The following IRF2BPL variants were observed in gnomAD, a reference collection of about 807,000 sequenced individuals.
The protein encoded by IRF2BPL is probable E3 ubiquitin-protein ligase IRF2BPL.
Under a neutral mutation model 51.2 loss-of-function variants are expected in IRF2BPL, and 13 were observed. That is an observed-to-expected ratio of 0.25 (90% CI 0.17 to 0.40). The LOEUF is 0.40. Among genes scored for constraint, IRF2BPL ranks in the 10% least tolerant of loss-of-function variants. IRF2BPL has a pLI of 1.00. For missense variants in IRF2BPL, 1,210 were observed against 1,111.8 expected, an observed-to-expected ratio of 1.09 and a Z score of -1.26; for synonymous variants, 768 against 509.2, an observed-to-expected ratio of 1.51 and a Z score of -6.84.
chr14:77,026,042 C>T lies in IRF2BPL; in HGVS notation c.1751G>A (p.Gly584Glu). 1 of 1,565,024 alleles carries T rather than the reference C, an allele frequency of 6.4e-7. No homozygotes were observed. Among genetic ancestry groups the T allele is most frequent in the Non-Finnish European group, 8.6e-7 (1 of 1,157,318 alleles). Residue 584 changes from glycine to glutamate, a missense_variant, in exon 1 of 1, where the codon GGG becomes GAG. Transcript: ENST00000238647. ...SEALKLTMSA[G>E]GFAAPGHAAG... The stretch of plus-strand genomic sequence containing the variant: ...CGCGTGCCCCGGCGCCGCGAAGCCC[C>T]CGGCGGACATGGTGAGCTTCAGCGC...
In IRF2BPL at chr14:77,025,236, C is replaced by G. The variant is rs1885076007; in HGVS notation, c.*166G>C. On this transcript the variant is annotated 3_prime_UTR_variant, in exon 1 of 1. Coordinates refer to ENST00000238647, the MANE Select transcript of IRF2BPL (RefSeq NM_024496.4). ...CTTTGTTTCAAAATATAGAAACATA[C>G]GACGAAAATAATGTCTATACATAAG... 1 of 465,318 alleles carries G rather than the reference C, an allele frequency of 2.1e-6. No individual in the cohort carries two copies. Among genetic ancestry groups the G allele is most frequent in the Non-Finnish European group, 3.8e-6 (1 of 264,852 alleles). The allele number at this position is 465,318 out of a possible 1,614,324, so 28.8% of individuals were successfully genotyped here.
chr14:77,028,706 C>A lies in IRF2BPL; in HGVS notation c.-914G>T. On this transcript the variant is annotated 5_prime_UTR_variant, in exon 1 of 1. Coordinates refer to ENST00000238647, the MANE Select transcript of IRF2BPL (RefSeq NM_024496.4). ...TGCTCCGGCTGCGGCTCGCGCTGTC[C>A]CCGGCTTGGCCGCGCGGGATGCCGC... 2.9e-6 allele frequency: 1 copy of A among 340,886 alleles called. No homozygotes were observed. The highest frequency in any genetic ancestry group is 5.3e-6 in the Non-Finnish European group (1 of 188,708). 21.1% of individuals were successfully genotyped at this position (340,886 alleles called of 1,614,324 possible).
Position 77,026,811 on chromosome 14 carries a change from C to G in IRF2BPL, c.982G>C (p.Gly328Arg). 6.2e-7 allele frequency: 1 copy of G among 1,612,712 alleles called. No homozygotes were observed. Among genetic ancestry groups the G allele is most frequent in the Non-Finnish European group, 8.5e-7 (1 of 1,179,728 alleles). The stretch of plus-strand genomic sequence containing the variant: ...GACACCGAGCCGGGCCTCTTACCAC[C>G]AGCACCCACGCCCACCTCTGCCACC... ...SSVAEVGVGA[G>R]GKRPGSVSST... The change falls in exon 1 of 1, where the codon GGT becomes CGT. Residue 328 changes from glycine (G) to arginine (R), a missense_variant. Gly to Arg is a moderately radical substitution (Grantham distance 125). Coordinates refer to ENST00000238647, the MANE Select transcript of IRF2BPL (RefSeq NM_024496.4).
Position 77,026,055 on chromosome 14 carries a change from T to A in IRF2BPL, c.1738A>T (p.Thr580Ser). ...GCCGCGAAGCCCCCGGCGGACATGG[T>A]GAGCTTCAGCGCCTCGCTCTGGTTC... is the stretch of plus-strand genomic sequence containing the variant. ...MANQSEALKL[T>S]MSAGGFAAPG... The change falls in exon 1 of 1, where the codon ACC becomes TCC. Residue 580 changes from threonine (T) to serine (S), a missense_variant. Thr to Ser is a moderately conservative substitution (Grantham distance 58). Coordinates refer to ENST00000238647, the MANE Select transcript of IRF2BPL (RefSeq NM_024496.4). The A allele has an allele frequency of 1.3e-6, 2 of 1,568,246 alleles. No homozygotes were observed. The highest frequency in any genetic ancestry group is 8.6e-7 in the Non-Finnish European group (1 of 1,159,950).
rs780441372 is a variant in IRF2BPL, at chr14:77,027,301, C to CGCG, written c.491_492insCGC (p.Ala164dup). On this transcript the variant is annotated inframe_insertion, in exon 1 of 1. Coordinates refer to ENST00000238647, the MANE Select transcript of IRF2BPL (RefSeq NM_024496.4). ...ACTCGAAGCGGCTGCGCTGTTCCAC[C>CGCG]GCAGCGGCGGCGGCGGCGGCGGCGG... The CGCG allele has an allele frequency of 1.1e-3, 1,640 of 1,525,384 alleles. 4 individuals are homozygous for CGCG. Among genetic ancestry groups the CGCG allele is most frequent in the South Asian group, 1.7e-3 (143 of 83,936 alleles). 94.5% of individuals were successfully genotyped at this position (1,525,384 alleles called of 1,614,324 possible).
Position 77,025,691 on chromosome 14 carries a change from T to C in IRF2BPL, c.2102A>G (p.Asn701Ser). 1 of 1,562,714 alleles carries C rather than the reference T, an allele frequency of 6.4e-7. No individual in the cohort carries two copies. Among genetic ancestry groups the C allele is most frequent in the Non-Finnish European group, 8.7e-7 (1 of 1,152,664 alleles). ...GTTGGCCATGGGGGAATCCGGAATG[T>C]TTTGGGGGTGCACTTGGTCCATGCC... Reference protein sequence around the residue: ...HPGMDQVHPQNIPDSPMANSG... With the variant: ...HPGMDQVHPQSIPDSPMANSG... The change falls in exon 1 of 1, where the codon AAC (asparagine) becomes AGC (serine). Residue 701 changes from asparagine (N) to serine (S), a missense_variant. Transcript: ENST00000238647.
chr14:77,027,789 A>T lies in IRF2BPL; in HGVS notation c.4T>A (p.Ser2Thr). Reference sequence around the variant, plus strand: ...CGGGACGAGGACACCTGCGCCGCCGACATGATGCCTGCCCTGGGGAAGGTA... The same window carrying T: ...CGGGACGAGGACACCTGCGCCGCCGTCATGATGCCTGCCCTGGGGAAGGTA... M[S>T]AAQVSSSRRQ... The change falls in exon 1 of 1, where the codon TCG becomes ACG. Residue 2 changes from serine to threonine, a missense_variant. Physicochemically the swap from Ser to Thr is moderately conservative, Grantham distance 58. Transcript: ENST00000238647. 1 of 1,572,690 alleles carries T rather than the reference A, an allele frequency of 6.4e-7. No individual in the cohort carries two copies. Among genetic ancestry groups the T allele is most frequent in the Non-Finnish European group, 8.6e-7 (1 of 1,157,596 alleles).
Position 77,026,784 on chromosome 14 carries a change from T to C in IRF2BPL, c.1009A>G (p.Ser337Gly), listed in dbSNP as rs373283211. The C allele has an allele frequency of 1.4e-5, 23 of 1,612,478 alleles. No individual in the cohort carries two copies. Among genetic ancestry groups the C allele is most frequent in the Non-Finnish European group, 1.9e-5 (22 of 1,179,782 alleles). Residue 337 changes from serine (S) to glycine (G), a missense_variant, in exon 1 of 1, where the codon AGC becomes GGC. Ser to Gly is a moderately conservative substitution (Grantham distance 56, BLOSUM62 0). Coordinates refer to ENST00000238647, the MANE Select transcript of IRF2BPL (RefSeq NM_024496.4). ...TTCAACTCGCGCTCCTGGTCTGTGCTCGACACCGAGCCGGGCCTCTTACCA... is the reference window on the plus strand; with the variant it reads ...TTCAACTCGCGCTCCTGGTCTGTGCCCGACACCGAGCCGGGCCTCTTACCA... ...AGGKRPGSVS[S>G]TDQERELKEK...
In IRF2BPL at chr14:77,025,686, G is replaced by A. The variant is rs369742014; in HGVS notation, c.2107C>T (p.Pro703Ser). 3 of 1,561,370 alleles carry A rather than the reference G, an allele frequency of 1.9e-6. No individual in the cohort carries two copies. Among genetic ancestry groups the A allele is most frequent in the South Asian group, 1.2e-5 (1 of 82,468 alleles). ...GMDQVHPQNI[P>S]DSPMANSGPL... ...CCGCTGTTGGCCATGGGGGAATCCG[G>A]AATGTTTTGGGGGTGCACTTGGTCC... The change falls in exon 1 of 1, where the codon CCG becomes TCG. Residue 703 changes from proline (P) to serine (S), a missense_variant. Coordinates refer to ENST00000238647, the MANE Select transcript of IRF2BPL (RefSeq NM_024496.4).
At position 77,026,987 on chromosome 14, in the gene IRF2BPL, G is replaced by A. The variant is rs1468201607; in HGVS notation, c.806C>T (p.Ala269Val). Reference protein sequence around the residue: ...QTLLNGPASAAVLPPPPPHAL... With the variant: ...QTLLNGPASAVVLPPPPPHAL... ...GTGGGGAGGGGGTGGGGGGAGTACCGCAGCGCTGGCCGGGCCGTTAAGCAG... is the reference window on the plus strand; with the variant it reads ...GTGGGGAGGGGGTGGGGGGAGTACCACAGCGCTGGCCGGGCCGTTAAGCAG... The change falls in exon 1 of 1, where the codon GCG (alanine) becomes GTG (valine). Residue 269 changes from alanine to valine, a missense_variant. Transcript: ENST00000238647. 7 of 1,490,580 alleles carry A rather than the reference G, an allele frequency of 4.7e-6. No individual in the cohort carries two copies. The highest frequency in any genetic ancestry group is 1.8e-6 in the Non-Finnish European group (2 of 1,120,746). The allele number at this position is 1,490,580 out of a possible 1,614,324, so 92.3% of individuals were successfully genotyped here. A position where few individuals can be genotyped will look rare whatever the true frequency, so the allele number is the denominator to read the frequency against.
rs12880845 is a variant in IRF2BPL at position 77,024,910 on chromosome 14, T to C, written c.*492A>G. 1 of 120,756 alleles carries C rather than the reference T, an allele frequency of 8.3e-6. No individual in the cohort carries two copies. Among genetic ancestry groups the C allele is most frequent in the East Asian group, 2.7e-4 (1 of 3,660 alleles). The allele number at this position is 120,756 out of a possible 1,614,324, so 7.5% of individuals were successfully genotyped here. On this transcript the variant is annotated 3_prime_UTR_variant, in exon 1 of 1. Coordinates refer to ENST00000238647, the MANE Select transcript of IRF2BPL (RefSeq NM_024496.4). The stretch of plus-strand genomic sequence containing the variant: ...TTAGAAGGAAGCTTTCACCATTTTA[T>C]AGCATTTTTTTTTTTTTTTTTTTTT...
At position 77,028,052 on chromosome 14, in the gene IRF2BPL, G is replaced by A; in HGVS notation, c.-260C>T. 1 of 391,496 alleles carries A rather than the reference G, an allele frequency of 2.6e-6. No individual in the cohort carries two copies. The highest frequency in any genetic ancestry group is 4.7e-6 in the Non-Finnish European group (1 of 214,480). The allele number at this position is 391,496 out of a possible 1,614,324, so 24.3% of individuals were successfully genotyped here. Reference sequence around the variant, plus strand: ...CACCTCCTACTGCGGTTGACTCGTCGCGAGGGGAGCTCAGGCGCCTTCTTC... The same window carrying A: ...CACCTCCTACTGCGGTTGACTCGTCACGAGGGGAGCTCAGGCGCCTTCTTC... On this transcript the variant is annotated 5_prime_UTR_variant, in exon 1 of 1. Transcript: ENST00000238647.
chr14:77,027,240 GGCT>G lies in IRF2BPL; in HGVS notation c.550_552del (p.Ser184del), dbSNP rs1356971218. On this transcript the variant is annotated inframe_deletion, in exon 1 of 1. Coordinates refer to ENST00000238647, the MANE Select transcript of IRF2BPL (RefSeq NM_024496.4). ...AGGCCGTTGGGCAGTCGCGCGGTGTGGCTGCTGCTTCCCAGGCTCACCGGCGGT... is the reference window on the plus strand; with the variant it reads ...AGGCCGTTGGGCAGTCGCGCGGTGTGGCTGCTTCCCAGGCTCACCGGCGGT... The G allele has an allele frequency of 1.9e-6, 3 of 1,599,108 alleles. No individual in the cohort carries two copies. Among genetic ancestry groups the G allele is most frequent in the African/African-American group, 2.7e-5 (2 of 73,606 alleles).
Position 77,025,706 on chromosome 14 carries a change from T to G in IRF2BPL, c.2087A>C (p.Gln696Pro). ...PPPSAHPGMD[Q>P]VHPQNIPDSP... is the part of the protein sequence containing the mutation. ...ATCCGGAATGTTTTGGGGGTGCACT[T>G]GGTCCATGCCCGGGTGGGCGCTAGG... Residue 696 changes from glutamine (Q) to proline (P), a missense_variant, in exon 1 of 1, where the codon CAA (glutamine) becomes CCA (proline). Gln to Pro is a moderately conservative substitution (Grantham distance 76). Coordinates refer to ENST00000238647, the MANE Select transcript of IRF2BPL (RefSeq NM_024496.4). 2 of 1,566,090 alleles carry G rather than the reference T, an allele frequency of 1.3e-6. No individual in the cohort carries two copies. The highest frequency in any genetic ancestry group is 1.7e-6 in the Non-Finnish European group (2 of 1,154,370).
In IRF2BPL at chr14:77,026,232, G is replaced by A. The variant is rs764304719; in HGVS notation, c.1561C>T (p.Pro521Ser). Residue 521 changes from proline (P) to serine (S), a missense_variant, in exon 1 of 1, where the codon CCC becomes TCC. Coordinates refer to ENST00000238647, the MANE Select transcript of IRF2BPL (RefSeq NM_024496.4). The part of the protein sequence containing the change: ...LVSLSRAPSA[P>S]PGTGALPPAA... ...GGCGGCAAGGCCCCGGTCCCCGGGG[G>A]TGCGCTGGGGGCGCGGCTCAGACTC... The A allele has an allele frequency of 3.5e-6, 5 of 1,422,632 alleles. No individual in the cohort carries two copies. The Admixed American group carries it at 1.4e-4, about 39-fold the overall frequency. 88.1% of individuals were successfully genotyped at this position (1,422,632 alleles called of 1,614,324 possible).
Position 77,026,907 on chromosome 14 carries a change from G to A in IRF2BPL, c.886C>T (p.Pro296Ser), listed in dbSNP as rs762450446. The change falls in exon 1 of 1, where the codon CCC (proline) becomes TCC (serine). Residue 296 changes from proline to serine, a missense_variant. By Grantham distance (74) the Pro-to-Ser change is moderately conservative. Transcript: ENST00000238647. ...CCCGGGGTACCCCCGAGACAAGCGG[G>A]GCCCCCAGGAGCCCCTGGGGGAGCA... ...TPAPPGAPGGPACLGGTPGVS... is the reference protein window; with the variant it reads ...TPAPPGAPGGSACLGGTPGVS... 4.0e-6 allele frequency: 6 copies of A among 1,504,258 alleles called. No individual in the cohort carries two copies. The highest frequency in any genetic ancestry group is 3.8e-5 in the South Asian group (3 of 78,032). 93.2% of individuals were successfully genotyped at this position (1,504,258 alleles called of 1,614,324 possible).
Position 77,025,267 on chromosome 14 carries a change from CTT to C in IRF2BPL, c.*133_*134del. 2 of 553,732 alleles carry C rather than the reference CTT, an allele frequency of 3.6e-6. No homozygotes were observed. The highest frequency in any genetic ancestry group is 6.2e-6 in the Non-Finnish European group (2 of 324,190). The allele number at this position is 553,732 out of a possible 1,614,324, so 34.3% of individuals were successfully genotyped here. A position where few individuals can be genotyped will look rare whatever the true frequency, so the allele number is the denominator to read the frequency against. ...AAATAATGTCTATACATAAGACTAA[CTT>C]TTTGCAGTTTCGTTATATTCACAAT... On this transcript the variant is annotated 3_prime_UTR_variant, in exon 1 of 1. Coordinates refer to ENST00000238647, the MANE Select transcript of IRF2BPL (RefSeq NM_024496.4).
chr14:77,027,476 T>A lies in IRF2BPL; in HGVS notation c.317A>T (p.Gln106Leu). 2.2e-6 allele frequency: 3 copies of A among 1,371,092 alleles called. No individual in the cohort carries two copies. The highest frequency in any genetic ancestry group is 2.8e-6 in the Non-Finnish European group (3 of 1,064,142). 84.9% of individuals were successfully genotyped at this position (1,371,092 alleles called of 1,614,324 possible). ...AAAAAAAQQQ[Q>L]QQQQQQQQQQ... ...TTGCTGCTGCTGCTGCTGCTGTTGCTGTTGCTGTTGCGCGGCGGCGGCGGC... is the reference window on the plus strand; with the variant it reads ...TTGCTGCTGCTGCTGCTGCTGTTGCAGTTGCTGTTGCGCGGCGGCGGCGGC... Residue 106 changes from glutamine to leucine, a missense_variant, in exon 1 of 1, where the codon CAG (glutamine) becomes CTG (leucine). Coordinates refer to ENST00000238647, the MANE Select transcript of IRF2BPL (RefSeq NM_024496.4).
Position 77,026,320 on chromosome 14 carries a change from G to C in IRF2BPL, c.1473C>G (p.Gly491=), listed in dbSNP as rs768390379. The part of the protein sequence containing the change: ...AVRFFKEGVP[G]ADMLPQPYLD... ...GGTAGGGCTGGGGCAGCATGTCGGC[G>C]CCGGGCACGCCCTCCTTGAAGAAGC... is the stretch of plus-strand genomic sequence containing the variant. The change falls in exon 1 of 1, where the codon GGC becomes GGG. Residue 491 remains glycine (G), a synonymous_variant. Transcript: ENST00000238647. 2.6e-6 allele frequency: 4 copies of C among 1,568,328 alleles called. No individual in the cohort carries two copies. Among genetic ancestry groups the C allele is most frequent in the Non-Finnish European group, 3.5e-6 (4 of 1,158,860 alleles).
Sources: allele counts gnomAD v4.1 joint callset, GRCh38; gene constraint gnomAD v4.1.1; transcripts MANE v1.5; gene names NCBI Gene and HGNC (gene_info 2026-07-23, HGNC 2026-07-21).